The following MACROD2 variants were observed in gnomAD, a reference collection of about 807,000 sequenced individuals.
MACROD2 encodes the protein mono-ADP ribosylhydrolase 2, also known as ADP-ribose glycohydrolase MACROD2.
In MACROD2, 36 loss-of-function variants were observed where a neutral mutation model predicts 70.4. The observed-to-expected ratio is 0.51, with a 90% CI of 0.39 to 0.68. The LOEUF (loss-of-function observed/expected upper bound fraction) is 0.68. Among genes scored for constraint, MACROD2 ranks in the 30% least tolerant of loss-of-function variants. MACROD2 has a pLI of 0.00. For missense variants in MACROD2, 496 were observed against 538.4 expected (o/e 0.92, Z 0.78); for synonymous variants, 172 against 178.8 (o/e 0.96, Z 0.30).
At chr20:15,782,300 G>T (rs563189896) in intron 8 of MACROD2, among the ~76,000 whole-genome samples, 1 of 152,098 alleles carries the variant, frequency 6.6e-6, no homozygotes, top group Admixed American at 6.5e-5. Context: ...TGTAAAGCTT[G>T]GTTGCTTAAA....
intron 3 of MACROD2, among the ~76,000 whole-genome samples, chr20:14,349,894 A>G (rs2083105394): frequency 6.8e-6 from 1 of 147,590 alleles, no homozygotes; most frequent in Non-Finnish European, 1.5e-5. Flanking sequence ...AACTACAGGC[A>G]TGCACCACCA....
intron 3 of MACROD2, among the ~76,000 whole-genome samples, chr20:14,288,385 T>G (rs1019288781): frequency 2.0e-5 from 3 of 152,176 alleles, no homozygotes; most frequent in Non-Finnish European, 4.4e-5. Context: ...GAAGATTCTT[T>G]ACTCCTGACT....
intron 4 of MACROD2, among the ~76,000 whole-genome samples, chr20:14,559,389 T>C (rs1979274950): frequency 6.6e-6 from 1 of 151,800 alleles, no homozygotes; most frequent in East Asian, 1.9e-4. Flanking sequence ...TAATACCTTA[T>C]ACATTTTAAT....
intron 8 of MACROD2, among the ~76,000 whole-genome samples, chr20:15,818,571 T>A (rs191345530): frequency 4.9e-4 from 74 of 152,334 alleles, no homozygotes; most frequent in African/African-American, 1.7e-3. Context: ...TACCACAACC[T>A]GTTTTATCAG....
At chr20:14,274,012 CA>C (rs1224775907) in intron 3 of MACROD2, among the ~76,000 whole-genome samples, 1 of 151,958 alleles carries the variant, frequency 6.6e-6, no homozygotes, top group Non-Finnish European at 1.5e-5. Flanking sequence ...AATAGCTTAC[CA>C]ACCAAAAAGA....
intron 6 of MACROD2, among the ~76,000 whole-genome samples, chr20:15,378,094 A>G (rs749791663): frequency 1.3e-5 from 2 of 151,948 alleles, no homozygotes; most frequent in Non-Finnish European, 2.9e-5. Flanking sequence ...TACCTATGTA[A>G]CAAACCTGCA....
intron 5 of MACROD2, among the ~76,000 whole-genome samples, chr20:15,085,873 A>AACACACACACACACACACACACAC (rs3070249): frequency 1.4e-5 from 2 of 144,292 alleles, no homozygotes; most frequent in African/African-American, 5.1e-5. Context: ...ACACACACAC[A>AACACACACACACACACACACACAC]ACACACACAC....
chr20:14,568,020 G>A (rs55690549), intron 4 of MACROD2, among the ~76,000 whole-genome samples: 4,818 of 152,046 alleles, frequency 0.032, 245 homozygotes, highest in African/African-American at 0.11. Context: ...AAATTCTGAA[G>A]TTTAGAAAAC....
chr20:15,137,648 A>C (rs1475844587), intron 5 of MACROD2, among the ~76,000 whole-genome samples: 1 of 151,568 alleles, frequency 6.6e-6, no homozygotes, highest in Non-Finnish European at 1.5e-5. Context: ...AGCATGTCAC[A>C]TGTATACATA....
At chr20:14,565,815 A>G (rs1187353543) in intron 4 of MACROD2, among the ~76,000 whole-genome samples, 2 of 151,810 alleles carry the variant, frequency 1.3e-5, no homozygotes, top group African/African-American at 4.8e-5. Flanking sequence ...GCTTACTTTT[A>G]TGCAGTGTAT....
At chr20:15,728,176 T>C (rs936017767) in intron 8 of MACROD2, among the ~76,000 whole-genome samples, 3 of 152,208 alleles carry the variant, frequency 2.0e-5, no homozygotes, top group African/African-American at 2.4e-5. Context: ...TTTTTGTTTT[T>C]AGTTTTGCTT....
intron 3 of MACROD2, among the ~76,000 whole-genome samples, chr20:14,435,943 C>T (rs907837025): frequency 3.9e-5 from 6 of 152,042 alleles, no homozygotes; most frequent in Admixed American, 6.6e-5. Flanking sequence ...CTGGTCTCAA[C>T]GGATCCACCT....
At chr20:15,086,923 G>C (rs1422337146) in intron 5 of MACROD2, among the ~76,000 whole-genome samples, 2 of 152,052 alleles carry the variant, frequency 1.3e-5, no homozygotes, top group Non-Finnish European at 2.9e-5. Context: ...TAGCAATGAT[G>C]GTCCTTCCAT....
intron 3 of MACROD2, among the ~76,000 whole-genome samples, chr20:14,378,626 A>G (rs940667866): frequency 2.0e-5 from 3 of 152,208 alleles, no homozygotes; most frequent in Admixed American, 1.3e-4. Flanking sequence ...TAGGTAATAA[A>G]AGAGAGTTGT....
At chr20:15,821,274 T>G (rs2063935423) in intron 8 of MACROD2, among the ~76,000 whole-genome samples, 1 of 152,116 alleles carries the variant, frequency 6.6e-6, no homozygotes, top group South Asian at 2.1e-4. Flanking sequence ...AAAATGTAGT[T>G]TCTAAATATC....
chr20:15,644,445 C>G (rs1057294477), intron 8 of MACROD2, among the ~76,000 whole-genome samples: 2 of 152,170 alleles, frequency 1.3e-5, no homozygotes, highest in Admixed American at 6.5e-5. Context: ...TCACCCTTCC[C>G]CTCCTCAGCC....
At chr20:15,116,505 C>T (rs2075992765) in intron 5 of MACROD2, among the ~76,000 whole-genome samples, 1 of 152,070 alleles carries the variant, frequency 6.6e-6, no homozygotes, top group Non-Finnish European at 1.5e-5. Context: ...ATTAGCTGGG[C>T]CTGGTGACGT....
chr20:14,841,600 T>C (rs2073088267), intron 5 of MACROD2, among the ~76,000 whole-genome samples: 1 of 152,120 alleles, frequency 6.6e-6, no homozygotes, highest in African/African-American at 2.4e-5. Flanking sequence ...ATGCAGCTTT[T>C]GTAGGTGATC....
chr20:16,029,635 A>G (rs1264782544), intron 15 of MACROD2, among the ~76,000 whole-genome samples: 2 of 152,182 alleles, frequency 1.3e-5, no homozygotes, highest in South Asian at 2.1e-4. Flanking sequence ...CTACAGGCTC[A>G]GAAATCATCC....
Sources: gnomAD v4.1 joint callset for allele counts (sites outside exome capture counted in the v4.1 genomes callset) on GRCh38, gnomAD v4.1.1 for gene constraint, MANE v1.5 for transcripts, NCBI Gene and HGNC (gene_info 2026-07-23, HGNC 2026-07-21) for gene names.